CIB1: variants seen among roughly 807,000 people sequenced by gnomAD.
The protein encoded by CIB1 is calcium and integrin binding 1.
A neutral mutation model predicts 25.0 loss-of-function variants in CIB1; 19 were observed. That is an observed-to-expected ratio of 0.76 (90% CI 0.53 to 1.12). The LOEUF is 1.12. Ranked by LOEUF, CIB1 falls within the 50% of genes most tolerant of loss-of-function variation. The pLI, the probability that CIB1 is intolerant of heterozygous loss-of-function variation, is 0.00. For synonymous variants in CIB1, 104 were observed against 98.5 expected, an observed-to-expected ratio of 1.06 and a Z score of -0.33; for missense variants, 236 against 242.6, an observed-to-expected ratio of 0.97 and a Z score of 0.18.
chr15:90,249,644 G>C, the CIB1 span: 1 of 152,252 alleles, frequency 6.6e-6, no homozygotes, highest in African/African-American at 2.4e-5. Context: ...CCTCGCGATC[G>C]TGGGGACAGC....
the CIB1 span, chr15:90,265,141 A>G: frequency 8.1e-7 from 1 of 1,233,740 alleles, no homozygotes; most frequent in East Asian, 2.6e-5. Context: ...CAATACCCTA[A>G]GATTAATTGG....
the CIB1 span, among the ~76,000 whole-genome samples, chr15:90,253,961 A>G: frequency 6.6e-6 from 1 of 152,226 alleles, no homozygotes; most frequent in South Asian, 2.1e-4. Flanking sequence ...CTGTCCCACA[A>G]CTAGTCTTGG....
chr15:90,252,991 C>T, the CIB1 span, among the ~76,000 whole-genome samples: 3,814 of 152,120 alleles, frequency 0.025, 161 homozygotes, highest in African/African-American at 0.086. Flanking sequence ...GGCGAAACTC[C>T]GTCTCTAAAA....
At chr15:90,237,283 CT>C (rs35595704), upstream of CIB1, among the ~76,000 whole-genome samples, 72 of 113,230 alleles carry the variant, frequency 6.4e-4, no homozygotes, top group Admixed American at 7.5e-4. Context: ...CTTTTTTTCC[CT>C]TTTTTTTTTT....
chr15:90,252,043 C>CT, the CIB1 span, among the ~76,000 whole-genome samples: 7,920 of 133,414 alleles, frequency 0.059, 640 homozygotes, highest in African/African-American at 0.18. Flanking sequence ...TCACCTAATT[C>CT]TTTTTTTTTT....
chr15:90,238,262 T>C (rs1288020444), upstream of CIB1, among the ~76,000 whole-genome samples: 3 of 152,220 alleles, frequency 2.0e-5, no homozygotes, highest in South Asian at 2.1e-4. Flanking sequence ...ATCGTGCCAC[T>C]GCACTGCAGC....
At chr15:90,237,438 A>T (rs1347092477), upstream of CIB1, among the ~76,000 whole-genome samples, 5 of 151,258 alleles carry the variant, frequency 3.3e-5, no homozygotes, top group East Asian at 9.8e-4. Flanking sequence ...TGTGCCCACC[A>T]CCACGCCCAG....
At chr15:90,247,330 G>A in the CIB1 span, among the ~76,000 whole-genome samples, 1 of 139,390 alleles carries the variant, frequency 7.2e-6, no homozygotes, top group East Asian at 2.0e-4. Flanking sequence ...AGAGAGTCTC[G>A]CTGTATTGCC....
At chr15:90,231,062 C>T in intron 5 of CIB1, 33 bp downstream of exon 5, 1 of 1,613,182 alleles carries the variant, frequency 6.2e-7, no homozygotes, top group African/African-American at 1.3e-5. Context: ...CCCAACTGCT[C>T]CCTCCCGCTC....
rs2151634066 is a variant in CIB1, at chr15:90,230,213, C to T, written c.*271G>A. 1 of 524,224 alleles carries T rather than the reference C, an allele frequency of 1.9e-6. No individual in the cohort carries two copies. The highest frequency in any genetic ancestry group is 3.4e-6 in the Non-Finnish European group (1 of 292,640). The allele number at this position is 524,224 out of a possible 1,614,324, so 32.5% of individuals were successfully genotyped here. ...AGGCTCTTAGAAGAGAAGTCCAGTC[C>T]TTCCTCATACCAGTGTATCTCATGT... On this transcript the variant is annotated 3_prime_UTR_variant, in exon 7 of 7. Transcript: ENST00000328649.
the CIB1 span, chr15:90,251,676 G>C: frequency 2.1e-5 from 32 of 1,518,362 alleles, no homozygotes; most frequent in Middle Eastern, 1.7e-4. Context: ...ATGGACCCCC[G>C]ATCAGGCTTC....
chr15:90,261,964 C>T, the CIB1 span: 2 of 1,464,982 alleles, frequency 1.4e-6, no homozygotes, highest in Non-Finnish European at 1.8e-6. Context: ...ACTGAACATT[C>T]CCACAGCCCT....
the CIB1 span, chr15:90,263,006 T>C: frequency 1.3e-6 from 2 of 1,535,836 alleles, no homozygotes; most frequent in East Asian, 2.4e-5. Flanking sequence ...CCTCAAGAAA[T>C]TGTGGAAGAG....
chr15:90,239,567 G>A, the CIB1 span, among the ~76,000 whole-genome samples: 385 of 152,238 alleles, frequency 2.5e-3, no homozygotes, highest in African/African-American at 8.3e-3. Context: ...GATCTCAGGA[G>A]AACTCACTAT....
At chr15:90,259,119 TTG>T in the CIB1 span, 3 of 1,329,674 alleles carry the variant, frequency 2.3e-6, no homozygotes, top group African/African-American at 3.0e-5. Flanking sequence ...TCCCAGCACT[TTG>T]GGAGGCTGAG....
chr15:90,265,412 C>T, the CIB1 span: 2 of 1,272,866 alleles, frequency 1.6e-6, no homozygotes, highest in Non-Finnish European at 2.0e-6. Flanking sequence ...CCTGGGCAGC[C>T]GCTGGGGCGG....
At chr15:90,257,348 G>T in the CIB1 span, 1 of 1,539,760 alleles carries the variant, frequency 6.5e-7, no homozygotes, top group Non-Finnish European at 8.7e-7. Flanking sequence ...AGAGAAACAT[G>T]GTAGAGAGGT....
the CIB1 span, chr15:90,258,857 G>T: frequency 1.2e-6 from 2 of 1,614,198 alleles, no homozygotes; most frequent in Non-Finnish European, 1.7e-6. Context: ...CAAAAGGAAG[G>T]TGATGGAGGA....
At chr15:90,257,087 G>A in the CIB1 span, 11 of 1,562,070 alleles carry the variant, frequency 7.0e-6, no homozygotes, top group Non-Finnish European at 8.7e-6. Flanking sequence ...ACAGCACATA[G>A]TAGGCACTTC....
Sources: allele counts gnomAD v4.1 joint callset (sites outside exome capture counted in the v4.1 genomes callset), GRCh38; gene constraint gnomAD v4.1.1; transcripts MANE v1.5; gene names NCBI Gene and HGNC (gene_info 2026-07-23, HGNC 2026-07-21).